The following OPA1 variants were observed in gnomAD, a reference collection of about 807,000 sequenced individuals.
OPA1 encodes the protein OPA1 mitochondrial dynamin like GTPase, also known as dynamin-like GTPase OPA1, mitochondrial.
OPA1 carries 59 observed loss-of-function variants against 152.9 expected under a neutral mutation model. That is an observed-to-expected ratio of 0.39 (90% CI 0.31 to 0.48). OPA1 has a LOEUF of 0.48. Among genes scored for constraint, OPA1 ranks in the 20% least tolerant of loss-of-function variants. The pLI is 0.96. For missense variants in OPA1, 1,008 were observed against 1,216.8 expected (o/e 0.83, Z 2.55); for synonymous variants, 400 against 389.9 (o/e 1.03, Z -0.31).
In OPA1 at chr3:193,615,732, C is replaced by T. The variant is rs1172029551; in HGVS notation, c.410C>T (p.Pro137Leu). The change falls in exon 3 of 31, where the codon CCT becomes CTT. Residue 137 changes from proline to leucine, a missense_variant. This residue lies in a region of OPA1 where 408 missense variants were observed against 395.1 expected (regional missense o/e 1.03). Transcript: ENST00000361510. ...PDLSEYKWIV[P>L]DIVWEIDEYI... ...CTTAGTGAATATAAATGGATTGTGC[C>T]TGACATTGTGTGGGAAATTGATGAG... is the stretch of plus-strand genomic sequence containing the variant. The T allele has an allele frequency of 6.2e-7, 1 of 1,612,396 alleles. No homozygotes were observed. The highest frequency in any genetic ancestry group is 8.5e-7 in the Non-Finnish European group (1 of 1,178,736).
rs1256103551 is a variant in OPA1, at chr3:193,695,933, C to T, written c.*1333C>T. ...GGATATGAAAAAATACTTCCGAAAC[C>T]AGGAATTCAATGTATGTTTGTTTTA... On this transcript the variant is annotated 3_prime_UTR_variant, in exon 31 of 31. Transcript: ENST00000361510. 5 of 152,138 alleles carry T rather than the reference C, an allele frequency of 3.3e-5. No individual in the cohort carries two copies. Among genetic ancestry groups the T allele is most frequent in the Non-Finnish European group, 7.3e-5 (5 of 68,028 alleles). The allele number at this position is 152,138 out of a possible 1,614,324, so 9.4% of individuals were successfully genotyped here.
chr3:193,640,792 G>A (rs1733670325), intron 11 of OPA1, among the ~76,000 whole-genome samples: 1 of 152,136 alleles, frequency 6.6e-6, no homozygotes, highest in South Asian at 2.1e-4. Flanking sequence ...ATAATTGGAA[G>A]ATTGAAATTA....
intron 29 of OPA1, among the ~76,000 whole-genome samples, chr3:193,677,191 T>A (rs912219961): frequency 4.6e-5 from 7 of 151,866 alleles, no homozygotes; most frequent in African/African-American, 1.7e-4. Flanking sequence ...GGATTGAATT[T>A]GCCATTTATC....
At chr3:193,648,622 T>C in intron 20 of OPA1, 173 bp from the exon 21 acceptor site, 1 of 564,486 alleles carries the variant, frequency 1.8e-6, no homozygotes, top group Non-Finnish European at 3.3e-6. Flanking sequence ...TGTCCTTATC[T>C]GCATAATGGC....
chr3:193,645,615 A>G lies in OPA1; in HGVS notation c.1671A>G (p.Val557=), dbSNP rs1242159719. ...AAGCTTTAGGTTATTTTGCTGTTGTAACAGGAAAAGGTATGCAAAGATGGA... is the reference window on the plus strand; with the variant it reads ...AAGCTTTAGGTTATTTTGCTGTTGTGACAGGAAAAGGTATGCAAAGATGGA... ...PMKALGYFAV[V]TGKGNSSESI... The change falls in exon 17 of 31, where the codon GTA becomes GTG. Residue 557 remains valine (V), a synonymous_variant. Transcript: ENST00000361510. The G allele has an allele frequency of 6.2e-7, 1 of 1,612,442 alleles. No homozygotes were observed. Among genetic ancestry groups the G allele is most frequent in the Non-Finnish European group, 8.5e-7 (1 of 1,178,816 alleles).
intron 29 of OPA1, among the ~76,000 whole-genome samples, chr3:193,674,335 AG>A (rs1458385091): frequency 6.6e-6 from 1 of 152,204 alleles, no homozygotes; most frequent in Non-Finnish European, 1.5e-5. Context: ...TTCTTTTTTC[AG>A]TAAGCCACCT....
chr3:193,677,797 G>C (rs991106014), intron 29 of OPA1, among the ~76,000 whole-genome samples: 1 of 152,192 alleles, frequency 6.6e-6, no homozygotes, highest in Non-Finnish European at 1.5e-5. Context: ...AAATGACGAA[G>C]CTAATACACG....
In OPA1 at chr3:193,614,836, A is replaced by G; in HGVS notation, c.146A>G (p.Lys49Arg). The G allele has an allele frequency of 6.2e-7, 1 of 1,613,980 alleles. No individual in the cohort carries two copies. The highest frequency in any genetic ancestry group is 8.5e-7 in the Non-Finnish European group (1 of 1,179,810). The change falls in exon 2 of 31, where the codon AAG becomes AGG. Residue 49 changes from lysine to arginine, a missense_variant. Transcript: ENST00000361510. Reference sequence around the variant, plus strand: ...TATCATTCACATCATCCTACCTTAAAGCTTCAACGACCCCAATTAAGGACA... The same window carrying G: ...TATCATTCACATCATCCTACCTTAAGGCTTCAACGACCCCAATTAAGGACA... ...SIYHSHHPTL[K>R]LQRPQLRTSF...
chr3:193,593,308 C>G lies in OPA1; in HGVS notation c.-70C>G. On this transcript the variant is annotated 5_prime_UTR_variant, in exon 1 of 31. Transcript: ENST00000361510. Reference sequence around the variant, plus strand: ...TCCTGGGTCATTCCTGGACCGGGAGCCGGGCTGGGGCTCACACGGGGGCTC... The same window carrying G: ...TCCTGGGTCATTCCTGGACCGGGAGGCGGGCTGGGGCTCACACGGGGGCTC... The G allele has an allele frequency of 1.3e-6, 2 of 1,487,010 alleles. No homozygotes were observed. Among genetic ancestry groups the G allele is most frequent in the Non-Finnish European group, 1.8e-6 (2 of 1,108,924 alleles). The allele number at this position is 1,487,010 out of a possible 1,614,324, so 92.1% of individuals were successfully genotyped here. A position where few individuals can be genotyped will look rare whatever the true frequency, so the allele number is the denominator to read the frequency against.
chr3:193,658,712 A>G (rs753246067), intron 23 of OPA1, among the ~76,000 whole-genome samples, 175 bp from the exon 24 acceptor site: 3 of 152,238 alleles, frequency 2.0e-5, no homozygotes, highest in Non-Finnish European at 4.4e-5. Flanking sequence ...TAGCAAGCTA[A>G]CAAATAAGCA....
intron 29 of OPA1, among the ~76,000 whole-genome samples, chr3:193,681,011 T>C (rs982926867): frequency 2.6e-5 from 4 of 152,190 alleles, no homozygotes; most frequent in African/African-American, 9.6e-5. Flanking sequence ...GTAAAATCTA[T>C]TCATTTTTTA....
At chr3:193,593,800 C>T (rs912499163) in intron 1 of OPA1, among the ~76,000 whole-genome samples, 1 of 152,052 alleles carries the variant, frequency 6.6e-6, no homozygotes, top group Admixed American at 6.5e-5. Flanking sequence ...CCTCTCTCCA[C>T]ATTTCTCCTA....
chr3:193,615,987 T>C (rs1369973328), intron 3 of OPA1, among the ~76,000 whole-genome samples: 2 of 152,222 alleles, frequency 1.3e-5, no homozygotes, highest in Non-Finnish European at 2.9e-5. Flanking sequence ...CATTTTCTTT[T>C]AATTATACTT....
rs184273607 is a variant in OPA1 at position 193,692,059 on chromosome 3, A to G, written c.2984-4A>G. 1.9e-4 allele frequency: 290 copies of G among 1,491,154 alleles called. 6 individuals carry two copies. In the East Asian group the frequency reaches 2.6e-3, roughly 13 times the overall value. The allele number at this position is 1,491,154 out of a possible 1,614,324, so 92.4% of individuals were successfully genotyped here. ...AATGTTTTTCTTTATTTTTATCTCC[A>G]CAGAGAAAGTTAGAGAAATTCAAGA... On this transcript the variant is annotated splice_polypyrimidine_tract_variant and splice_region_variant and intron_variant, in intron 29 of 30. Coordinates refer to ENST00000361510, the MANE Select transcript of OPA1 (RefSeq NM_130837.3).
intron 13 of OPA1, 100 bp from the exon 14 acceptor site, chr3:193,643,273 G>T: frequency 1.0e-6 from 1 of 979,000 alleles, no homozygotes; most frequent in East Asian, 2.4e-5. Flanking sequence ...TATCTGAATG[G>T]ATGAGATATA....
chr3:193,694,610 G>T lies in OPA1; in HGVS notation c.*10G>T, dbSNP rs1024947205. On this transcript the variant is annotated 3_prime_UTR_variant, in exon 31 of 31. Transcript: ENST00000361510. Reference sequence around the variant, plus strand: ...TAAATGGGTTTATTTTTACAGAATCGTACTCATAATCAGCTCTGCATACAT... The same window carrying T: ...TAAATGGGTTTATTTTTACAGAATCTTACTCATAATCAGCTCTGCATACAT... 6.6e-6 allele frequency: 1 copy of T among 152,068 alleles called. No individual in the cohort carries two copies. Among genetic ancestry groups the T allele is most frequent in the Admixed American group, 6.6e-5 (1 of 15,256 alleles). 9.4% of individuals were successfully genotyped at this position (152,068 alleles called of 1,614,324 possible).
chr3:193,666,005 A>T (rs189556850), intron 27 of OPA1, among the ~76,000 whole-genome samples: 1 of 152,334 alleles, frequency 6.6e-6, no homozygotes, highest in African/African-American at 2.4e-5. Flanking sequence ...TGTGAATTTC[A>T]ACTTACATAC....
At chr3:193,597,871 G>GT (rs1286428643) in intron 1 of OPA1, among the ~76,000 whole-genome samples, 1 of 151,986 alleles carries the variant, frequency 6.6e-6, no homozygotes, top group Non-Finnish European at 1.5e-5. Context: ...GAGCTCAGGA[G>GT]TTTGAGACCA....
intron 6 of OPA1, among the ~76,000 whole-genome samples, chr3:193,623,228 C>T (rs1730477332): frequency 6.6e-6 from 1 of 152,088 alleles, no homozygotes; most frequent in African/African-American, 2.4e-5. Flanking sequence ...ACCTCATGAC[C>T]TCATCACCTC....
Sources: gnomAD v4.1 joint callset for allele counts (sites outside exome capture counted in the v4.1 genomes callset) on GRCh38, gnomAD v4.1.1 for gene constraint, gnomAD v4.1.1 regional missense constraint, MANE v1.5 for transcripts, NCBI Gene and HGNC (gene_info 2026-07-23, HGNC 2026-07-21) for gene names.